CST7: variants seen among roughly 807,000 people sequenced by gnomAD.
The protein encoded by CST7 is cystatin-F.
CST7 carries 15 observed loss-of-function variants against 13.1 expected under a neutral mutation model. The observed-to-expected ratio is 1.14, with a 90% confidence interval of 0.77 to 1.76. The LOEUF (loss-of-function observed/expected upper bound fraction) is 1.76, where lower values mean the gene tolerates loss of function less well. CST7 is among the 40% of genes most tolerant of loss of function. The probability of loss-of-function intolerance (pLI) is 0.00; values close to 1 mark genes in which losing one functional copy is unlikely to be tolerated. For synonymous variants in CST7, 75 were observed against 66.9 expected (o/e 1.12, Z -0.59); for missense variants, 193 against 178.8 (o/e 1.08, Z -0.45).
chr20:24,955,745 C>G (rs1568805631), intron 1 of CST7, among the ~76,000 whole-genome samples: 1 of 152,158 alleles, frequency 6.6e-6, no homozygotes, highest in Non-Finnish European at 1.5e-5. Context: ...CACCTAAAGT[C>G]TTCTTAAGCA....
chr20:24,951,352 G>C (rs1427866904), intron 1 of CST7, among the ~76,000 whole-genome samples: 2 of 152,210 alleles, frequency 1.3e-5, no homozygotes, highest in Non-Finnish European at 2.9e-5. Flanking sequence ...CTCTCCGCCA[G>C]CCTCAGCCCC....
At chr20:24,952,226 T>G (rs1268554453) in intron 1 of CST7, among the ~76,000 whole-genome samples, 4 of 152,238 alleles carry the variant, frequency 2.6e-5, no homozygotes, top group Non-Finnish European at 2.9e-5. Context: ...CCTCATATAT[T>G]CTCACTGTCG....
At chr20:24,951,837 C>G (rs78855471) in intron 1 of CST7, among the ~76,000 whole-genome samples, 5,592 of 152,326 alleles carry the variant, frequency 0.037, 386 homozygotes, top group African/African-American at 0.13. Context: ...GTTTCTTTCT[C>G]AATCTGATGG....
chr20:24,957,576 C>G, intron 2 of CST7, 117 bp downstream of exon 2: 1 of 1,039,496 alleles, frequency 9.6e-7, no homozygotes, highest in Non-Finnish European at 1.4e-6. Context: ...GAGTGCAGAG[C>G]TCTGAGCAGA....
rs556907580 is a variant in CST7 at position 24,949,580 on chromosome 20, G to A, written c.70+5G>A. On this transcript the variant is annotated splice_donor_5th_base_variant and intron_variant, in intron 1 of 3. Coordinates refer to ENST00000480798, the MANE Select transcript of CST7 (RefSeq NM_003650.4). Reference sequence around the variant, plus strand: ...CCACTGGGGGCCCTTCCCCAGGTAAGTGGCGTTCTCCCCTGTCCGCTCCCC... The same window carrying A: ...CCACTGGGGGCCCTTCCCCAGGTAAATGGCGTTCTCCCCTGTCCGCTCCCC... 6.7e-5 allele frequency: 108 copies of A among 1,614,010 alleles called. No homozygotes were observed. The East Asian group carries it at 2.3e-3, about 35-fold the overall frequency.
rs746873725 is a variant in CST7 at position 24,949,445 on chromosome 20, G to T, written c.-61G>T. ...CCACTGCCTCCAACTGCCCCATGCT[G>T]CCTGAGAAGGCACTGCACGGCCACC... On this transcript the variant is annotated 5_prime_UTR_variant, in exon 1 of 4. Coordinates refer to ENST00000480798, the MANE Select transcript of CST7 (RefSeq NM_003650.4). 1 of 1,613,252 alleles carries T rather than the reference G, an allele frequency of 6.2e-7. No homozygotes were observed. The highest frequency in any genetic ancestry group is 1.3e-5 in the African/African-American group (1 of 74,928).
At chr20:24,950,513 C>A (rs1284706407) in intron 1 of CST7, among the ~76,000 whole-genome samples, 4 of 152,170 alleles carry the variant, frequency 2.6e-5, no homozygotes, top group Non-Finnish European at 5.9e-5. Flanking sequence ...CCAGGCCTGG[C>A]CTAGGGCGGA....
At chr20:24,951,541 A>G (rs1339934470) in intron 1 of CST7, among the ~76,000 whole-genome samples, 1 of 152,188 alleles carries the variant, frequency 6.6e-6, no homozygotes, top group East Asian at 1.9e-4. Flanking sequence ...CCTGGGCCCC[A>G]GACACAAGCA....
At chr20:24,957,565 TGAGTG>T in intron 2 of CST7, 106 bp downstream of exon 2, 5 of 1,126,366 alleles carry the variant, frequency 4.4e-6, no homozygotes, top group Non-Finnish European at 6.5e-6. Context: ...AAGTCCCTGC[TGAGTG>T]CAGAGCTCTG....
At chr20:24,950,751 C>T (rs1340070453) in intron 1 of CST7, among the ~76,000 whole-genome samples, 2 of 152,194 alleles carry the variant, frequency 1.3e-5, no homozygotes, top group African/African-American at 2.4e-5. Context: ...GCTTCCCAGC[C>T]TCACAGGGGC....
chr20:24,951,636 G>C (rs1161869904), intron 1 of CST7, among the ~76,000 whole-genome samples: 1 of 152,158 alleles, frequency 6.6e-6, no homozygotes, highest in Non-Finnish European at 1.5e-5. Flanking sequence ...TCATGACTGA[G>C]GGGGGTAGGG....
At chr20:24,959,156 C>T (rs2087879157) in intron 3 of CST7, 112 bp downstream of exon 3, 1 of 854,100 alleles carries the variant, frequency 1.2e-6, no homozygotes, top group East Asian at 2.5e-5. Flanking sequence ...CCAAACCTCA[C>T]CCCTGAGGAA....
chr20:24,949,933 G>A (rs1236034140), intron 1 of CST7, among the ~76,000 whole-genome samples: 1 of 152,230 alleles, frequency 6.6e-6, no homozygotes, highest in Non-Finnish European at 1.5e-5. Flanking sequence ...CCTGTGGTTA[G>A]CCGCTTCTAT....
intron 3 of CST7, among the ~76,000 whole-genome samples, chr20:24,959,390 A>G (rs866550522): frequency 6.6e-6 from 1 of 151,790 alleles, no homozygotes; most frequent in Non-Finnish European, 1.5e-5. Flanking sequence ...TATCATATGT[A>G]TATCATATAT....
intron 1 of CST7, among the ~76,000 whole-genome samples, chr20:24,952,834 G>A (rs1191500472): frequency 2.0e-5 from 3 of 152,232 alleles, no homozygotes; most frequent in South Asian, 2.1e-4. Flanking sequence ...CAACCTCCCG[G>A]CCACACCTAG....
intron 2 of CST7, 124 bp downstream of exon 2, chr20:24,957,583 C>A (rs1157912581): frequency 4.2e-6 from 4 of 963,152 alleles, no homozygotes; most frequent in Admixed American, 4.9e-5. Flanking sequence ...GAGCTCTGAG[C>A]AGAAAGCAGA....
chr20:24,952,988 T>A (rs1466115559), intron 1 of CST7, among the ~76,000 whole-genome samples: 1 of 152,218 alleles, frequency 6.6e-6, no homozygotes, highest in African/African-American at 2.4e-5. Flanking sequence ...GTTGGCTTAG[T>A]GCCAGCTCTG....
At chr20:24,950,387 C>T (rs530981938) in intron 1 of CST7, among the ~76,000 whole-genome samples, 1 of 152,238 alleles carries the variant, frequency 6.6e-6, no homozygotes, top group African/African-American at 2.4e-5. Flanking sequence ...GCAGCAGGAC[C>T]ACTGACAAGA....
At chr20:24,949,712 T>A in intron 1 of CST7, 137 bp downstream of exon 1, 1 of 1,175,110 alleles carries the variant, frequency 8.5e-7, no homozygotes, top group Non-Finnish European at 1.2e-6. Flanking sequence ...GTGCTGGGAG[T>A]GGTGAGAGGG....
Sources: gnomAD v4.1 joint callset for allele counts (sites outside exome capture counted in the v4.1 genomes callset) on GRCh38, gnomAD v4.1.1 for gene constraint, MANE v1.5 for transcripts, NCBI Gene and HGNC (gene_info 2026-07-23, HGNC 2026-07-21) for gene names.